PIK3C2G: variants seen among roughly 807,000 people sequenced by gnomAD.
PIK3C2G encodes phosphatidylinositol-4-phosphate 3-kinase catalytic subunit type 2 gamma.
Under a neutral mutation model 181.1 loss-of-function variants are expected in PIK3C2G, and 168 were observed. The observed-to-expected ratio is 0.93, with a 90% CI of 0.82 to 1.05. The LOEUF (loss-of-function observed/expected upper bound fraction) is 1.05, where lower values mean the gene tolerates loss of function less well. PIK3C2G is among the 50% of genes least tolerant of loss of function. PIK3C2G has a pLI of 0.00. For missense variants in PIK3C2G, 1,869 were observed against 1,732.8 expected (o/e 1.08, Z -1.40); for synonymous variants, 573 against 592.2 (o/e 0.97, Z 0.47).
chr12:18,244,577 C>A (rs186678111), upstream of PIK3C2G, among the ~76,000 whole-genome samples: 44 of 152,110 alleles, frequency 2.9e-4, no homozygotes, highest in African/African-American at 9.9e-4. Flanking sequence ...TTTACGCTAT[C>A]TCTAAAAGTG....
intron 31 of PIK3C2G, among the ~76,000 whole-genome samples, chr12:18,610,842 T>C (rs1948296367): frequency 6.6e-6 from 1 of 152,134 alleles, no homozygotes; most frequent in Non-Finnish European, 1.5e-5. Context: ...ACATATGTAC[T>C]TCATATATGA....
intron 29 of PIK3C2G, among the ~76,000 whole-genome samples, chr12:18,589,379 C>T (rs1414476547): frequency 6.6e-6 from 1 of 152,008 alleles, no homozygotes; most frequent in Non-Finnish European, 1.5e-5. Flanking sequence ...AAGCAGAAAG[C>T]AATCCTTGCA....
chr12:18,569,027 C>T (rs12315384), intron 29 of PIK3C2G, among the ~76,000 whole-genome samples: 2,262 of 152,164 alleles, frequency 0.015, 62 homozygotes, highest in African/African-American at 0.052. Flanking sequence ...TGCCACCCTC[C>T]CATCAAGAGG....
At chr12:18,637,414 T>TTG (rs386375779) in intron 31 of PIK3C2G, among the ~76,000 whole-genome samples, 1 of 151,552 alleles carries the variant, frequency 6.6e-6, no homozygotes, top group Non-Finnish European at 1.5e-5. Flanking sequence ...TTTTTTTTTT[T>TTG]TACAAAAAAA....
intron 17 of PIK3C2G, among the ~76,000 whole-genome samples, chr12:18,421,443 T>A (rs1945481959): frequency 6.6e-6 from 1 of 152,026 alleles, no homozygotes; most frequent in African/African-American, 2.4e-5. Flanking sequence ...ATAAATTTTA[T>A]CACAGTAATT....
At chr12:18,691,826 T>G in the PIK3C2G span, among the ~76,000 whole-genome samples, 3 of 152,130 alleles carry the variant, frequency 2.0e-5, no homozygotes, top group African/African-American at 7.2e-5. Flanking sequence ...ACAAACTCCT[T>G]AACAGACAAT....
At chr12:18,414,286 G>A (rs1040632691) in intron 16 of PIK3C2G, among the ~76,000 whole-genome samples, 5 of 151,846 alleles carry the variant, frequency 3.3e-5, no homozygotes, top group African/African-American at 9.7e-5. Context: ...AGTATTATTC[G>A]TTTTCTTAGC....
chr12:18,566,616 A>G (rs1945648813), intron 28 of PIK3C2G, among the ~76,000 whole-genome samples: 1 of 152,174 alleles, frequency 6.6e-6, no homozygotes, highest in South Asian at 2.1e-4. Context: ...AAAATTTTGA[A>G]CCATTAACTT....
the PIK3C2G span, among the ~76,000 whole-genome samples, chr12:18,699,090 C>G: frequency 2.0e-5 from 3 of 152,126 alleles, no homozygotes; most frequent in African/African-American, 7.2e-5. Flanking sequence ...AACAGAATAA[C>G]CACCTCAGTT....
At chr12:18,609,793 T>G (rs1455624250) in intron 31 of PIK3C2G, among the ~76,000 whole-genome samples, 164 bp downstream of exon 31, 1 of 152,046 alleles carries the variant, frequency 6.6e-6, no homozygotes, top group Non-Finnish European at 1.5e-5. Context: ...GGGATGATTG[T>G]GATCCTTGGG....
chr12:18,719,589 G>A, the PIK3C2G span: 5 of 1,606,438 alleles, frequency 3.1e-6, no homozygotes, highest in African/African-American at 1.3e-5. Flanking sequence ...GTGAATCCAT[G>A]TATCTTGTAA....
At chr12:18,656,955 C>G in the PIK3C2G span, among the ~76,000 whole-genome samples, 19 of 152,092 alleles carry the variant, frequency 1.2e-4, no homozygotes, top group African/African-American at 4.3e-4. Flanking sequence ...TAAGGCAGCC[C>G]TAATGACAGC....
chr12:18,302,472 G>A (rs141120753), intron 5 of PIK3C2G, among the ~76,000 whole-genome samples: 2 of 152,276 alleles, frequency 1.3e-5, no homozygotes, highest in East Asian at 3.9e-4. Flanking sequence ...CACAGGAGTA[G>A]AATGTTATGG....
intron 8 of PIK3C2G, among the ~76,000 whole-genome samples, chr12:18,326,152 A>C (rs1264024296): frequency 6.6e-6 from 1 of 152,212 alleles, no homozygotes; most frequent in East Asian, 1.9e-4. Flanking sequence ...ACATCAATTC[A>C]CTATAATAGT....
the PIK3C2G span, chr12:18,693,992 G>A: frequency 6.7e-7 from 1 of 1,491,910 alleles, no homozygotes; most frequent in Middle Eastern, 2.3e-4. Context: ...TGGTCTGATG[G>A]CCTTAAGAGA....
chr12:18,248,291 G>A (rs760961952), intron 1 of PIK3C2G, among the ~76,000 whole-genome samples: 1 of 152,226 alleles, frequency 6.6e-6, no homozygotes, highest in Admixed American at 6.5e-5. Flanking sequence ...GAATTCTTCC[G>A]GGCGGGCGCG....
At chr12:18,487,519 A>C (rs1327024313) in intron 18 of PIK3C2G, among the ~76,000 whole-genome samples, 1 of 152,132 alleles carries the variant, frequency 6.6e-6, no homozygotes, top group Non-Finnish European at 1.5e-5. Flanking sequence ...AAGACCAGTT[A>C]AGATTAAAAG....
the PIK3C2G span, among the ~76,000 whole-genome samples, chr12:18,670,867 T>C: frequency 1.3e-5 from 2 of 152,046 alleles, no homozygotes; most frequent in Non-Finnish European, 2.9e-5. Context: ...AGCTTTCAAT[T>C]GGAAAAATTA....
chr12:18,293,912 G>T lies in PIK3C2G; in HGVS notation c.931G>T (p.Val311Phe). The T allele has an allele frequency of 6.6e-7, 1 of 1,506,782 alleles. No individual in the cohort carries two copies. Among genetic ancestry groups the T allele is most frequent in the East Asian group, 2.3e-5 (1 of 44,322 alleles). The allele number at this position is 1,506,782 out of a possible 1,614,324, so 93.3% of individuals were successfully genotyped here. A position where few individuals can be genotyped will look rare whatever the true frequency, so the allele number is the denominator to read the frequency against. ...LHFMPCANYL[V>F]KDLIAEILHF... ...CTCTTTTTCTTTAGCTAATTATCTT[G>T]TCAAAGATCTAATTGCAGAAATTCT... Residue 311 changes from valine to phenylalanine, a missense_variant, in exon 5 of 33, where the codon GTC becomes TTC. Physicochemically the swap from Val to Phe is conservative, Grantham distance 50. Transcript: ENST00000538779.
Sources: allele counts gnomAD v4.1 joint callset (sites outside exome capture counted in the v4.1 genomes callset), GRCh38; gene constraint gnomAD v4.1.1; transcripts MANE v1.5; gene names NCBI Gene and HGNC (gene_info 2026-07-23, HGNC 2026-07-21).